PRKCZ: variants seen among roughly 807,000 people sequenced by gnomAD.
PRKCZ encodes protein kinase C zeta, also known as protein kinase C zeta type.
Under a neutral mutation model 79.5 loss-of-function variants are expected in PRKCZ, and 33 were observed. That is an observed-to-expected ratio of 0.41 (90% confidence interval 0.31 to 0.55). The LOEUF (loss-of-function observed/expected upper bound fraction) is 0.55, where lower values mean the gene tolerates loss of function less well. Ranked by LOEUF, PRKCZ falls within the 20% of genes least tolerant of loss-of-function variation. The probability of loss-of-function intolerance (pLI) is 0.19; values close to 1 mark genes in which losing one functional copy is unlikely to be tolerated. For missense variants in PRKCZ, 578 were observed against 813.5 expected, an observed-to-expected ratio of 0.71 and a Z score of 3.52; for synonymous variants, 342 against 320.9, an observed-to-expected ratio of 1.07 and a Z score of -0.70.
intron 4 of PRKCZ, chr1:2,104,641 C>T: frequency 1.0e-6 from 1 of 973,860 alleles, no homozygotes; most frequent in Non-Finnish European, 1.2e-6. Flanking sequence ...AGGCAGGGAG[C>T]ATCCAGGGGA....
chr1:2,066,785 A>T (rs1338843995), intron 4 of PRKCZ, among the ~76,000 whole-genome samples: 6 of 152,186 alleles, frequency 3.9e-5, no homozygotes, highest in Admixed American at 1.3e-4. Flanking sequence ...GCCAGGCGCC[A>T]TGGCTCATGC....
intron 5 of PRKCZ, among the ~76,000 whole-genome samples, chr1:2,138,072 C>A (rs1676585694): frequency 6.6e-6 from 1 of 152,220 alleles, no homozygotes; most frequent in Non-Finnish European, 1.5e-5. Context: ...AGAGCCGCTC[C>A]ATGTAGTGCT....
In PRKCZ at chr1:2,168,194, G is replaced by A. The variant is rs1468420020; in HGVS notation, c.975-1324G>A. Among the ~76,000 whole-genome samples the A allele has an allele frequency of 6.6e-6, 1 of 152,178 alleles. No individual in the cohort carries two copies. The highest frequency in any genetic ancestry group is 1.5e-5 in the Non-Finnish European group (1 of 68,032). On this transcript the variant is annotated intron_variant, in intron 10 of 17. Transcript: ENST00000378567. The surrounding 1 kb of genome is among the most constrained non-coding windows in gnomAD (Gnocchi z 4.7). ...CTTTGCGGCCACAGGGTCTCTGTTA[G>A]CAACTCCCTCTGCCACGGTGGCTGG...
intron 4 of PRKCZ, among the ~76,000 whole-genome samples, chr1:2,107,323 G>T (rs1048976025): frequency 4.6e-5 from 7 of 152,218 alleles, no homozygotes; most frequent in African/African-American, 1.2e-4. Flanking sequence ...CCTGAGGCAG[G>T]TCCTGCTCCA....
intron 10 of PRKCZ, among the ~76,000 whole-genome samples, chr1:2,157,167 CCTT>C (rs1364921683): frequency 6.6e-6 from 1 of 152,140 alleles, no homozygotes; most frequent in African/African-American, 2.4e-5. Context: ...CCTTCCTCCT[CCTT>C]CTTGTTCTCT....
At chr1:2,057,989 T>C (rs933280847) in intron 3 of PRKCZ, among the ~76,000 whole-genome samples, 1 of 152,150 alleles carries the variant, frequency 6.6e-6, no homozygotes, top group Non-Finnish European at 1.5e-5. Context: ...TGCCTCACCC[T>C]CCCAAGTAGC....
chr1:2,077,581 T>C (rs1392853549), intron 4 of PRKCZ, among the ~76,000 whole-genome samples: 1 of 152,246 alleles, frequency 6.6e-6, no homozygotes, highest in Non-Finnish European at 1.5e-5. Flanking sequence ...GTACATTATA[T>C]TTAAAATTTT....
In PRKCZ at chr1:2,067,681, C is replaced by G. The variant is rs1017963214; in HGVS notation, c.334+8090C>G. ...GGCCGCAGGTGCCTCGGGCCCCTCTCCCGCTTGTTTCTCCATCTTCACTGT... is the reference window on the plus strand; with the variant it reads ...GGCCGCAGGTGCCTCGGGCCCCTCTGCCGCTTGTTTCTCCATCTTCACTGT... On this transcript the variant is annotated intron_variant, in intron 4 of 17. Coordinates refer to ENST00000378567, the MANE Select transcript of PRKCZ (RefSeq NM_002744.6). 4.6e-5 allele frequency among the ~76,000 whole-genome samples: 7 copies of G among 152,162 alleles called. 1 individual carries two copies. The East Asian group carries it at 1.2e-3, about 25-fold the overall frequency.
chr1:2,080,074 C>T (rs191108836), intron 4 of PRKCZ, among the ~76,000 whole-genome samples: 15 of 152,340 alleles, frequency 9.8e-5, no homozygotes, highest in East Asian at 9.6e-4. Flanking sequence ...CTTTGGGGTT[C>T]GGCCCAGTAC....
intron 4 of PRKCZ, among the ~76,000 whole-genome samples, chr1:2,099,194 G>A (rs1035955836): frequency 6.6e-6 from 1 of 152,240 alleles, no homozygotes; most frequent in African/African-American, 2.4e-5. Context: ...CCAGGGCCAC[G>A]GACACCCCCT....
At chr1:2,164,134 A>AT (rs202110426) in intron 10 of PRKCZ, among the ~76,000 whole-genome samples, 4 of 151,818 alleles carry the variant, frequency 2.6e-5, no homozygotes, top group African/African-American at 7.3e-5. Context: ...TTTATTTAGG[A>AT]TTTTTTTTGG....
chr1:2,064,272 G>A (rs762535347), intron 4 of PRKCZ, among the ~76,000 whole-genome samples: 16 of 152,188 alleles, frequency 1.1e-4, no homozygotes, highest in Admixed American at 5.2e-4. Flanking sequence ...TGTTAATCCC[G>A]TAGCAGATAT....
Position 2,144,218 on chromosome 1 carries a change from C to G in PRKCZ, c.429C>G (p.Tyr143Ter), listed in dbSNP as rs1260196625. The G allele has an allele frequency of 6.4e-7, 1 of 1,552,122 alleles. No homozygotes were observed. The highest frequency in any genetic ancestry group is 2.0e-5 in the Admixed American group (1 of 51,036). The change falls in exon 6 of 18, where the codon TAC becomes TAG. Residue 143 changes from tyrosine (Y) to a stop codon, truncating the protein, a stop_gained. Coordinates refer to ENST00000378567, the MANE Select transcript of PRKCZ (RefSeq NM_002744.6). LOFTEE classifies it high-confidence loss of function. ...FQAKRFNRRA[Y>*]CGQCSERIWG... is the part of the protein sequence containing the mutation. ...TCTGTTCCCACCTGCAGAGAGCGTA[C>G]TGCGGTCAGTGCAGCGAGAGGATAT...
intron 4 of PRKCZ, among the ~76,000 whole-genome samples, chr1:2,062,752 T>C (rs1222506420): frequency 6.6e-6 from 1 of 152,038 alleles, no homozygotes; most frequent in East Asian, 1.9e-4. Flanking sequence ...CCTCCCAAAG[T>C]GCTGGGATTA....
chr1:2,147,996 C>T (rs1679011158), intron 7 of PRKCZ, among the ~76,000 whole-genome samples: 1 of 151,106 alleles, frequency 6.6e-6, no homozygotes. Context: ...ACTGACCTCT[C>T]CATCTATCCA....
intron 9 of PRKCZ, among the ~76,000 whole-genome samples, chr1:2,154,730 T>TAGGA (rs2103269815): frequency 6.6e-6 from 1 of 152,318 alleles, no homozygotes; most frequent in East Asian, 1.9e-4. Context: ...GGGGTTGACC[T>TAGGA]AGGAAGGCTT....
chr1:2,070,213 G>A (rs983232314), intron 4 of PRKCZ, among the ~76,000 whole-genome samples: 6 of 151,976 alleles, frequency 3.9e-5, no homozygotes, highest in East Asian at 1.9e-4. Flanking sequence ...TGGCATACCC[G>A]GGCAGCGGGA....
intron 4 of PRKCZ, among the ~76,000 whole-genome samples, chr1:2,084,505 G>A (rs1286941189): frequency 6.6e-6 from 1 of 152,198 alleles, no homozygotes; most frequent in African/African-American, 2.4e-5. Context: ...ACACATGCGC[G>A]GCCGGCCGGC....
intron 4 of PRKCZ, among the ~76,000 whole-genome samples, chr1:2,070,445 G>A (rs539561364): frequency 2.0e-5 from 3 of 152,270 alleles, no homozygotes; most frequent in South Asian, 2.1e-4. Flanking sequence ...GGAGGACACC[G>A]TGACTACTGC....
Sources: allele counts gnomAD v4.1 joint callset (sites outside exome capture counted in the v4.1 genomes callset), GRCh38; gene constraint gnomAD v4.1.1; non-coding constraint Gnocchi (gnomAD v3.1); transcripts MANE v1.5; gene names NCBI Gene and HGNC (gene_info 2026-07-23, HGNC 2026-07-21).